The following LGMN variants were observed in gnomAD, a reference collection of about 807,000 sequenced individuals.
LGMN encodes asparaginyl endopeptidase.
In LGMN, 36 loss-of-function variants were observed where a neutral mutation model predicts 56.8. The ratio of observed to expected loss-of-function variants is 0.63; its 90% CI spans 0.49 to 0.84. LGMN has a LOEUF of 0.84. LGMN is among the 40% of genes least tolerant of loss of function. LGMN has a pLI of 0.00. For missense variants in LGMN, 446 were observed against 556.1 expected (o/e 0.80, Z 1.99); for synonymous variants, 199 against 210.1 (o/e 0.95, Z 0.46).
chr14:92,719,278 ACCGCCGCCGCCG>A (rs1225678781), intron 2 of LGMN, among the ~76,000 whole-genome samples: 1 of 55,214 alleles, frequency 1.8e-5, no homozygotes, highest in African/African-American at 8.7e-5. Context: ...CGCCGCCGCC[ACCGCCGCCGCCG>A]CCGCCGCCGC....
chr14:92,731,239 A>T (rs956649084), intron 2 of LGMN, among the ~76,000 whole-genome samples: 5 of 152,260 alleles, frequency 3.3e-5, no homozygotes, highest in African/African-American at 1.2e-4. Context: ...AGATACTGCA[A>T]GTCTAAGCAT....
chr14:92,704,843 T>G (rs1889346805), intron 12 of LGMN, 136 bp from the exon 13 acceptor site: 2 of 707,766 alleles, frequency 2.8e-6, no homozygotes, highest in African/African-American at 3.5e-5. Flanking sequence ...TTTCCCAACC[T>G]TTAGATAATC....
chr14:92,719,333 CCGCCAT>C (rs147617506), intron 2 of LGMN, among the ~76,000 whole-genome samples: 1,893 of 108,740 alleles, frequency 0.017, 92 homozygotes, highest in African/African-American at 0.042. Context: ...GCCACCGCCA[CCGCCAT>C]CACCGCCACC....
At chr14:92,719,278 A>G (rs1032163201) in intron 2 of LGMN, among the ~76,000 whole-genome samples, 1,907 of 55,012 alleles carry the variant, frequency 0.035, 89 homozygotes, top group East Asian at 0.21. Flanking sequence ...CGCCGCCGCC[A>G]CCGCCGCCGC....
At chr14:92,709,900 G>T (rs371036249) in intron 10 of LGMN, 28 bp from the exon 11 acceptor site, 1 of 1,547,822 alleles carries the variant, frequency 6.5e-7, no homozygotes, top group Non-Finnish European at 8.8e-7. Context: ...AAGAGAGAGC[G>T]AGAGAGAAAG....
intron 11 of LGMN, among the ~76,000 whole-genome samples, chr14:92,707,929 A>G (rs1395364852): frequency 6.6e-6 from 1 of 152,174 alleles, no homozygotes; most frequent in South Asian, 2.1e-4. Context: ...ATGCAGGTGG[A>G]TCACTTGAGG....
intron 2 of LGMN, among the ~76,000 whole-genome samples, chr14:92,725,221 T>G (rs931427921): frequency 1.3e-5 from 2 of 152,196 alleles, no homozygotes; most frequent in African/African-American, 4.8e-5. Flanking sequence ...CAGTCCCCTC[T>G]GTCCTCCCTC....
intron 2 of LGMN, among the ~76,000 whole-genome samples, chr14:92,719,164 A>ACCACCACCACCACCATCACCGCCACCG (rs1890238651): frequency 1.3e-5 from 1 of 78,186 alleles, no homozygotes; most frequent in Non-Finnish European, 2.4e-5. Flanking sequence ...CACTGCCACC[A>ACCACCACCACCACCATCACCGCCACCG]CCACCACCAC....
intron 1 of LGMN, among the ~76,000 whole-genome samples, chr14:92,736,607 T>C (rs1487833818): frequency 6.6e-6 from 1 of 152,096 alleles, no homozygotes; most frequent in East Asian, 1.9e-4. Context: ...AATAAATAAA[T>C]AAAATAAAGT....
intron 11 of LGMN, 69 bp downstream of exon 11, chr14:92,709,603 G>T: frequency 7.8e-7 from 1 of 1,280,948 alleles, no homozygotes; most frequent in Non-Finnish European, 1.1e-6. Context: ...AGGCAGGGCC[G>T]TGCTCATGCA....
chr14:92,725,999 G>A (rs2140247637), intron 2 of LGMN, among the ~76,000 whole-genome samples: 1 of 152,078 alleles, frequency 6.6e-6, no homozygotes, highest in East Asian at 2.0e-4. Flanking sequence ...CACTTTGGGA[G>A]GCTGAGGCAG....
chr14:92,712,672 A>G, intron 8 of LGMN, 133 bp downstream of exon 8: 1 of 748,588 alleles, frequency 1.3e-6, no homozygotes. Context: ...GCTACCTGCA[A>G]GTATCTCCCC....
At chr14:92,726,214 G>T (rs571068538) in intron 2 of LGMN, among the ~76,000 whole-genome samples, 1 of 150,462 alleles carries the variant, frequency 6.6e-6, no homozygotes, top group Non-Finnish European at 1.5e-5. Context: ...TCCAGGCTGG[G>T]CAACAAGATT....
chr14:92,705,070 CGT>C, intron 12 of LGMN, among the ~76,000 whole-genome samples: 1 of 152,262 alleles, frequency 6.6e-6, no homozygotes, highest in Middle Eastern at 3.4e-3. Context: ...AGATGGACGG[CGT>C]GTGAAAGCCA....
At chr14:92,705,961 G>C (rs1352655123) in intron 12 of LGMN, among the ~76,000 whole-genome samples, 1 of 152,126 alleles carries the variant, frequency 6.6e-6, no homozygotes, top group East Asian at 1.9e-4. Context: ...ACAGGTTATG[G>C]GGGAGAAACA....
At chr14:92,719,189 C>T (rs1336607849) in intron 2 of LGMN, among the ~76,000 whole-genome samples, 1 of 141,866 alleles carries the variant, frequency 7.0e-6, no homozygotes, top group Non-Finnish European at 1.5e-5. Context: ...ACCATCACCA[C>T]CACCGCCACC....
chr14:92,725,877 G>A (rs4904981), intron 2 of LGMN, among the ~76,000 whole-genome samples: 20,923 of 151,894 alleles, frequency 0.14, 1,711 homozygotes, highest in Non-Finnish European at 0.17. Flanking sequence ...ACCTGGCCAC[G>A]GATTTTTTTA....
chr14:92,705,146 G>A (rs1268015785), intron 12 of LGMN, among the ~76,000 whole-genome samples: 1 of 152,198 alleles, frequency 6.6e-6, no homozygotes, highest in African/African-American at 2.4e-5. Flanking sequence ...AACTTCAGGG[G>A]AACCCAAGAA....
At chr14:92,741,993 C>T (rs1206771250) in intron 1 of LGMN, 4 of 152,200 alleles carry the variant, frequency 2.6e-5, no homozygotes, top group Non-Finnish European at 5.9e-5. Context: ...CTCCACAAGG[C>T]CTTGGTCTGC....
Sources: gnomAD v4.1 joint callset for allele counts (sites outside exome capture counted in the v4.1 genomes callset) on GRCh38, gnomAD v4.1.1 for gene constraint, MANE v1.5 for transcripts, NCBI Gene and HGNC (gene_info 2026-07-23, HGNC 2026-07-21) for gene names.